Variants in MAGI2 observed in about 807,000 individuals in gnomAD.
MAGI2 encodes the protein membrane associated guanylate kinase, WW and PDZ domain containing 2.
Under a neutral mutation model 133.3 loss-of-function variants are expected in MAGI2, and 35 were observed. The ratio of observed to expected loss-of-function variants is 0.26; its 90% CI spans 0.20 to 0.35. MAGI2 has a LOEUF of 0.35. MAGI2 is among the 10% of genes least tolerant of loss of function. MAGI2 has a pLI of 1.00. For missense variants in MAGI2, 1,636 were observed against 1,863.4 expected, an observed-to-expected ratio of 0.88 and a Z score of 2.25; for synonymous variants, 729 against 710.6, an observed-to-expected ratio of 1.03 and a Z score of -0.41.
At chr7:79,053,698 C>A (rs534361819) in intron 1 of MAGI2, among the ~76,000 whole-genome samples, 2 of 152,202 alleles carry the variant, frequency 1.3e-5, no homozygotes, top group South Asian at 4.1e-4. Context: ...GAAGCTGATT[C>A]CACAGACTTC....
intron 1 of MAGI2, among the ~76,000 whole-genome samples, chr7:79,298,285 T>C (rs1177395108): frequency 6.6e-6 from 1 of 152,152 alleles, no homozygotes; most frequent in African/African-American, 2.4e-5. Flanking sequence ...TTAAGAGAGA[T>C]TCATCATCTT....
intron 1 of MAGI2, among the ~76,000 whole-genome samples, chr7:79,381,192 C>CT (rs1045530877): frequency 1.2e-4 from 18 of 151,664 alleles, no homozygotes; most frequent in Non-Finnish European, 2.4e-4. Context: ...TCTGCATCTC[C>CT]TTTTTTTGTT....
At chr7:78,439,423 T>C (rs905961673) in intron 6 of MAGI2, among the ~76,000 whole-genome samples, 10 of 152,096 alleles carry the variant, frequency 6.6e-5, no homozygotes. Flanking sequence ...ATTTGAGGGA[T>C]AAGATAAACG....
chr7:78,651,547 A>G (rs1202584578), intron 2 of MAGI2, among the ~76,000 whole-genome samples: 1 of 152,242 alleles, frequency 6.6e-6, no homozygotes, highest in East Asian at 1.9e-4. Context: ...AAATGTTATT[A>G]GAAACCCTCC....
At chr7:79,222,855 C>T (rs757030740) in intron 1 of MAGI2, among the ~76,000 whole-genome samples, 3 of 151,822 alleles carry the variant, frequency 2.0e-5, no homozygotes, top group South Asian at 4.1e-4. Context: ...TATACATTAT[C>T]TCATTTCTTT....
chr7:78,691,085 C>T lies in MAGI2; in HGVS notation c.419-63846G>A, dbSNP rs541210795. Among the ~76,000 whole-genome samples, 44 of 152,284 alleles carry T rather than the reference C, an allele frequency of 2.9e-4. 2 individuals are homozygous for T. The South Asian group carries it at 9.1e-3, about 32-fold the overall frequency. ...CTTTTAAATGATTCTTAAATCCTTA[C>T]CTCTGTGACTTCTCACATGCTGTTC... is the stretch of plus-strand genomic sequence containing the variant. On this transcript the variant is annotated intron_variant, in intron 2 of 21. Coordinates refer to ENST00000354212, the MANE Select transcript of MAGI2 (RefSeq NM_012301.4).
chr7:79,411,375 AAG>A (rs1428979341), intron 1 of MAGI2: 1 of 152,152 alleles, frequency 6.6e-6, no homozygotes, highest in Non-Finnish European at 1.5e-5. Context: ...TTGAAAATGG[AAG>A]AGAGACTGAA....
At chr7:78,617,289 C>T (rs1807208810) in intron 3 of MAGI2, 1 of 152,102 alleles carries the variant, frequency 6.6e-6, no homozygotes, top group Non-Finnish European at 1.5e-5. Context: ...GTAAGTCAAA[C>T]TTTCCATTTT....
chr7:78,766,490 C>T (rs938984463), intron 2 of MAGI2, among the ~76,000 whole-genome samples: 1 of 152,286 alleles, frequency 6.6e-6, no homozygotes, highest in East Asian at 1.9e-4. Flanking sequence ...AGCTACAATG[C>T]TTCAACTGGA....
chr7:79,011,164 C>T (rs984032231), intron 1 of MAGI2: 3 of 152,066 alleles, frequency 2.0e-5, no homozygotes, highest in Non-Finnish European at 4.4e-5. Flanking sequence ...CACCTATGGT[C>T]TATTTGAGGA....
intron 1 of MAGI2, among the ~76,000 whole-genome samples, chr7:79,079,622 A>T (rs1289627586): frequency 6.6e-6 from 1 of 152,156 alleles, no homozygotes; most frequent in Non-Finnish European, 1.5e-5. Context: ...TTACCCTGGC[A>T]AGATAGAAAT....
chr7:78,600,844 T>C (rs1278702388), intron 3 of MAGI2, among the ~76,000 whole-genome samples: 1 of 152,094 alleles, frequency 6.6e-6, no homozygotes, highest in African/African-American at 2.4e-5. Flanking sequence ...CAACAAATAG[T>C]AGTATAAAAT....
chr7:78,570,926 A>G (rs1053281001), intron 3 of MAGI2, among the ~76,000 whole-genome samples: 3 of 152,010 alleles, frequency 2.0e-5, no homozygotes, highest in African/African-American at 7.3e-5. Flanking sequence ...TAACAATTCA[A>G]TATTGATCTC....
At chr7:78,947,265 A>C (rs1801497265) in intron 2 of MAGI2, among the ~76,000 whole-genome samples, 1 of 152,208 alleles carries the variant, frequency 6.6e-6, no homozygotes, top group African/African-American at 2.4e-5. Context: ...TCCATCCCTC[A>C]AACTCCCTCC....
Position 79,165,939 on chromosome 7 carries a change from G to T in MAGI2, c.302-158733C>A, listed in dbSNP as rs563222802. 6.6e-5 allele frequency among the ~76,000 whole-genome samples: 10 copies of T among 152,150 alleles called. No homozygotes were observed. The South Asian group carries it at 2.1e-3, about 32-fold the overall frequency. ...ATCAAAGGCAGGTAACAAACTCATT[G>T]TTTGACCAAAATGGAATGCTTGTTC... is the stretch of plus-strand genomic sequence containing the variant. On this transcript the variant is annotated intron_variant, in intron 1 of 21. Coordinates refer to ENST00000354212, the MANE Select transcript of MAGI2 (RefSeq NM_012301.4).
At chr7:79,381,311 A>G (rs1355010523) in intron 1 of MAGI2, among the ~76,000 whole-genome samples, 1 of 151,730 alleles carries the variant, frequency 6.6e-6, no homozygotes, top group East Asian at 1.9e-4. Context: ...AGGGAAATCT[A>G]TAATATTCTC....
intron 10 of MAGI2, among the ~76,000 whole-genome samples, chr7:78,236,654 G>A (rs565725422): frequency 1.8e-4 from 28 of 152,090 alleles, no homozygotes; most frequent in Non-Finnish European, 3.2e-4. Flanking sequence ...TGTTCCTTAT[G>A]CATTTAGGTG....
At chr7:78,964,007 G>T (rs1803090899) in intron 2 of MAGI2, among the ~76,000 whole-genome samples, 1 of 151,936 alleles carries the variant, frequency 6.6e-6, no homozygotes, top group South Asian at 2.1e-4. Context: ...AGGAGGCCCA[G>T]CCTCCAAAAT....
At chr7:78,580,613 T>C (rs1353243995) in intron 3 of MAGI2, among the ~76,000 whole-genome samples, 2 of 152,178 alleles carry the variant, frequency 1.3e-5, no homozygotes, top group African/African-American at 4.8e-5. Flanking sequence ...CTCATGATCA[T>C]TCATAGCCAG....
Sources: allele counts gnomAD v4.1 joint callset (sites outside exome capture counted in the v4.1 genomes callset), GRCh38; gene constraint gnomAD v4.1.1; transcripts MANE v1.5; gene names NCBI Gene and HGNC (gene_info 2026-07-23, HGNC 2026-07-21).